The following LPP variants were observed in gnomAD, a reference collection of about 807,000 sequenced individuals.
LPP encodes lipoma-preferred partner.
LPP carries 38 observed loss-of-function variants against 60.4 expected under a neutral mutation model. The ratio of observed to expected loss-of-function variants is 0.63; its 90% CI spans 0.49 to 0.83. The LOEUF (loss-of-function observed/expected upper bound fraction) is 0.83. LPP is among the 40% of genes least tolerant of loss of function. The pLI is 0.00. For synonymous variants in LPP, 328 were observed against 290.8 expected, an observed-to-expected ratio of 1.13 and a Z score of -1.30; for missense variants, 902 against 783.6, an observed-to-expected ratio of 1.15 and a Z score of -1.80.
intron 2 of LPP, among the ~76,000 whole-genome samples, chr3:188,275,007 T>A (rs1739158569): frequency 6.6e-6 from 1 of 152,162 alleles, no homozygotes; most frequent in Non-Finnish European, 1.5e-5. Context: ...GTGCTTAAAT[T>A]TAGTTCTAAA....
chr3:188,547,130 C>T (rs1210468222), intron 6 of LPP, among the ~76,000 whole-genome samples: 1 of 152,108 alleles, frequency 6.6e-6, no homozygotes, highest in Admixed American at 6.6e-5. Flanking sequence ...ATATATATTA[C>T]AGGAACTGGA....
chr3:188,373,166 T>C (rs1472584978), intron 3 of LPP, among the ~76,000 whole-genome samples: 2 of 152,222 alleles, frequency 1.3e-5, no homozygotes, highest in Admixed American at 6.5e-5. Flanking sequence ...GCTATAAACA[T>C]ACGTGTGCAT....
intron 2 of LPP, among the ~76,000 whole-genome samples, chr3:188,237,927 T>C (rs1471915035): frequency 1.3e-5 from 2 of 152,250 alleles, no homozygotes; most frequent in Admixed American, 6.5e-5. Context: ...TATTGATTTC[T>C]TTTCTCTACT....
At chr3:188,672,019 T>G (rs990556830) in intron 7 of LPP, among the ~76,000 whole-genome samples, 2 of 152,226 alleles carry the variant, frequency 1.3e-5, no homozygotes, top group African/African-American at 4.8e-5. Context: ...AATCATTGTT[T>G]AAATAGAAGC....
intron 9 of LPP, among the ~76,000 whole-genome samples, chr3:188,810,151 T>C (rs1360478250): frequency 6.6e-6 from 1 of 152,196 alleles, no homozygotes; most frequent in East Asian, 1.9e-4. Flanking sequence ...TTCTGTGTTT[T>C]AATACTACCC....
At chr3:188,744,554 C>G (rs1160016947) in intron 8 of LPP, among the ~76,000 whole-genome samples, 1 of 152,146 alleles carries the variant, frequency 6.6e-6, no homozygotes, top group African/African-American at 2.4e-5. Flanking sequence ...AGTTATTTAA[C>G]TATCCTGAGC....
At chr3:188,312,203 A>G (rs1753689507) in intron 2 of LPP, among the ~76,000 whole-genome samples, 1 of 152,206 alleles carries the variant, frequency 6.6e-6, no homozygotes, top group Admixed American at 6.5e-5. Flanking sequence ...TCCAGTGTAT[A>G]TAAATACATT....
intron 5 of LPP, among the ~76,000 whole-genome samples, chr3:188,515,061 C>T (rs1229376816): frequency 1.3e-5 from 2 of 152,132 alleles, no homozygotes; most frequent in African/African-American, 4.8e-5. Context: ...ATTTATCAAG[C>T]GTAGCATTTA....
intron 4 of LPP, among the ~76,000 whole-genome samples, chr3:188,442,638 C>G (rs761078056): frequency 2.0e-5 from 3 of 152,068 alleles, no homozygotes. Flanking sequence ...TGAGGTGTGA[C>G]CGTGGTATTT....
rs765161209 is a variant in LPP at position 188,884,847 on chromosome 3, T to C, written c.*10368T>C. 2.7e-5 allele frequency: 6 copies of C among 225,628 alleles called. No homozygotes were observed. The highest frequency in any genetic ancestry group is 3.5e-5 in the Non-Finnish European group (4 of 113,340). 14.0% of individuals were successfully genotyped at this position (225,628 alleles called of 1,614,324 possible). A position where few individuals can be genotyped will look rare whatever the true frequency, so the allele number is the denominator to read the frequency against. ...ATGTTGCTGCAACAGGCATTTCCGA[T>C]AGAGCCGATCCATGAGCTAACAATG... On this transcript the variant is annotated 3_prime_UTR_variant, in exon 12 of 12. Transcript: ENST00000617246.
At chr3:188,540,711 T>C (rs73194443) in intron 6 of LPP, among the ~76,000 whole-genome samples, 6,251 of 152,302 alleles carry the variant, frequency 0.041, 172 homozygotes, top group Middle Eastern at 0.075. Context: ...GTTTGACATA[T>C]TTAGCACCAT....
intron 6 of LPP, among the ~76,000 whole-genome samples, chr3:188,538,260 A>G (rs778515086): frequency 1.9e-4 from 29 of 152,240 alleles, no homozygotes; most frequent in Non-Finnish European, 3.4e-4. Context: ...CACCATCAAG[A>G]AAGTGAACAA....
At chr3:188,808,612 C>G (rs71308934) in intron 9 of LPP, among the ~76,000 whole-genome samples, 3,736 of 152,246 alleles carry the variant, frequency 0.025, 63 homozygotes, top group Non-Finnish European at 0.04. Context: ...TGCTGCTGTT[C>G]CGCTCCTGAA....
chr3:188,514,756 T>C (rs957469978), intron 5 of LPP, among the ~76,000 whole-genome samples: 3 of 152,200 alleles, frequency 2.0e-5, no homozygotes, highest in South Asian at 4.1e-4. Context: ...TTTTGTTACA[T>C]GTTTTTCAGT....
chr3:188,385,246 GA>G (rs1248554753), intron 3 of LPP, among the ~76,000 whole-genome samples: 2 of 151,924 alleles, frequency 1.3e-5, no homozygotes, highest in Admixed American at 1.3e-4. Context: ...TTTTACTTTG[GA>G]CCAGAGATAT....
At chr3:188,413,141 C>T (rs952176632) in intron 4 of LPP, among the ~76,000 whole-genome samples, 1 of 152,106 alleles carries the variant, frequency 6.6e-6, no homozygotes, top group Non-Finnish European at 1.5e-5. Context: ...AGATAACTAA[C>T]ATGTGAGGGA....
At chr3:188,611,033 T>C (rs6805236) in intron 7 of LPP, among the ~76,000 whole-genome samples, 44,332 of 152,184 alleles carry the variant, frequency 0.29, 6,720 homozygotes, top group Non-Finnish European at 0.32. Context: ...ATATTCAACA[T>C]TGTATCAAAA....
chr3:188,769,254 A>G (rs1735115254), intron 9 of LPP, among the ~76,000 whole-genome samples: 1 of 152,214 alleles, frequency 6.6e-6, no homozygotes, highest in African/African-American at 2.4e-5. Context: ...TTTAATAGAC[A>G]TTCGTATTAT....
At chr3:188,346,799 T>C (rs1215262527) in intron 3 of LPP, among the ~76,000 whole-genome samples, 1 of 152,206 alleles carries the variant, frequency 6.6e-6, no homozygotes, top group Non-Finnish European at 1.5e-5. Flanking sequence ...GTGGGAAGTA[T>C]GAGATGACAT....
Sources: gnomAD v4.1 joint callset for allele counts (sites outside exome capture counted in the v4.1 genomes callset) on GRCh38, gnomAD v4.1.1 for gene constraint, MANE v1.5 for transcripts, NCBI Gene and HGNC (gene_info 2026-07-23, HGNC 2026-07-21) for gene names.